The following CT47C1 variants were observed in gnomAD, a reference collection of about 807,000 sequenced individuals.
CT47C1 encodes cancer/testis antigen family 47 member C1.
chrX:119,074,126 C>T, the CT47C1 span: 1 of 478,455 alleles, frequency 2.1e-6, no homozygotes, highest in Non-Finnish European at 3.6e-6. Context: ...GACCCGTGCA[C>T]CCAAGGGTTC....
the CT47C1 span, among the ~76,000 whole-genome samples, chrX:119,074,333 G>A: frequency 8.9e-6 from 1 of 111,788 alleles, no homozygotes; most frequent in Non-Finnish European, 1.9e-5. Context: ...GTGTTTGATA[G>A]AAGATCTGAG....
At chrX:119,075,250 A>T in the CT47C1 span, 1 of 862,667 alleles carries the variant, frequency 1.2e-6, no homozygotes, top group East Asian at 3.4e-5. Context: ...AGCTTACTTA[A>T]AATGTTACTA....
At chrX:119,073,626 C>T in the CT47C1 span, 1 of 560,903 alleles carries the variant, frequency 1.8e-6, no homozygotes, top group Non-Finnish European at 3.1e-6. Context: ...ATGGTCCACT[C>T]CCTTCTCCTC....
the CT47C1 span, chrX:119,075,253 T>TATTAA: frequency 1.2e-6 from 1 of 860,789 alleles, no homozygotes; most frequent in Admixed American, 3.1e-5. Flanking sequence ...TTACTTAAAA[T>TATTAA]GTTACTAGAA....
At chrX:119,074,539 C>A in the CT47C1 span, among the ~76,000 whole-genome samples, 9 of 111,044 alleles carry the variant, frequency 8.1e-5, no homozygotes, top group African/African-American at 2.9e-4. Flanking sequence ...ATACAGGGGC[C>A]CTTGGTAAAA....
the CT47C1 span, chrX:119,073,883 G>C: frequency 1.2e-6 from 1 of 850,458 alleles, no homozygotes; most frequent in Non-Finnish European, 1.7e-6. Context: ...AGAAGAGCCC[G>C]CAGAGGAGGC....
chrX:119,073,489 GGAGGAGGAGGAT>G, the CT47C1 span: 5 of 511,301 alleles, frequency 9.8e-6, no homozygotes, highest in East Asian at 3.6e-5. Flanking sequence ...AGATGGTGGA[GGAGGAGGAGGAT>G]GAGGAGGAGG....
At chrX:119,073,175 C>T in the CT47C1 span, 13 of 456,851 alleles carry the variant, frequency 2.8e-5, no homozygotes, top group Admixed American at 1.0e-4. Context: ...CCGTCTTCAC[C>T]GTTGTCACCT....
the CT47C1 span, chrX:119,075,138 A>G: frequency 2.0e-5 from 21 of 1,068,837 alleles, no homozygotes; most frequent in Admixed American, 4.3e-4. Flanking sequence ...TTTGAGAATC[A>G]CTCAACTATT....
the CT47C1 span, chrX:119,075,215 A>C: frequency 2.0e-5 from 19 of 964,965 alleles, no homozygotes; most frequent in Non-Finnish European, 2.7e-5. Flanking sequence ...AATTAAGAAA[A>C]GGTTTTAGTT....
At chrX:119,074,313 C>T in the CT47C1 span, among the ~76,000 whole-genome samples, 3 of 111,755 alleles carry the variant, frequency 2.7e-5, no homozygotes, top group Non-Finnish European at 5.6e-5. Flanking sequence ...ATGCCGCCCT[C>T]TACCAACCTG....
the CT47C1 span, among the ~76,000 whole-genome samples, chrX:119,074,676 G>C: frequency 9.0e-6 from 1 of 111,019 alleles, no homozygotes; most frequent in African/African-American, 3.3e-5. Context: ...CCATGATTCT[G>C]ATCTCTTCTC....
chrX:119,075,065 A>G, the CT47C1 span: 3 of 1,088,625 alleles, frequency 2.8e-6, no homozygotes, highest in Non-Finnish European at 2.5e-6. Flanking sequence ...AAGGTGAAGA[A>G]CTCCAAAGGG....
the CT47C1 span, chrX:119,074,191 C>CG: frequency 2.6e-6 from 1 of 389,740 alleles, no homozygotes; most frequent in Non-Finnish European, 4.4e-6. Flanking sequence ...AAGTGGGGGT[C>CG]GGGCCTCGGG....
chrX:119,073,387 C>G, the CT47C1 span: 1 of 532,497 alleles, frequency 1.9e-6, no homozygotes, highest in Non-Finnish European at 3.4e-6. Context: ...TGAGAGGCCT[C>G]GGGGAGGAGG....
chrX:119,073,651 C>T, the CT47C1 span: 4 of 576,189 alleles, frequency 6.9e-6, no homozygotes, highest in East Asian at 3.3e-5. Context: ...TCTATCACAA[C>T]GACCACATCC....
chrX:119,073,697 C>T, the CT47C1 span: 4 of 663,012 alleles, frequency 6.0e-6, no homozygotes, highest in Admixed American at 3.5e-5. Flanking sequence ...GATGCGGAGG[C>T]GCCGCACTGC....
the CT47C1 span, among the ~76,000 whole-genome samples, chrX:119,075,467 G>A: frequency 1.1e-4 from 12 of 111,930 alleles, no homozygotes; most frequent in African/African-American, 3.9e-4. Flanking sequence ...CCACACATTG[G>A]TTGGGACTTC....
the CT47C1 span, chrX:119,073,332 C>G: frequency 1.9e-6 from 1 of 520,698 alleles, no homozygotes; most frequent in Non-Finnish European, 3.4e-6. Flanking sequence ...GGCGGTGACT[C>G]TGGCCCCGAC....
Sources: gnomAD v4.1 joint callset for allele counts (sites outside exome capture counted in the v4.1 genomes callset) on GRCh38, gnomAD v4.1.1 for gene constraint, MANE v1.5 for transcripts, NCBI Gene and HGNC (gene_info 2026-07-23, HGNC 2026-07-21) for gene names.